Variants in HDAC9 observed in about 807,000 individuals in gnomAD.
HDAC9 encodes the protein MEF-2 interacting transcription repressor (MITR) protein.
Under a neutral mutation model 139.4 loss-of-function variants are expected in HDAC9, and 41 were observed. The ratio of observed to expected loss-of-function variants is 0.29; its 90% CI spans 0.23 to 0.38. HDAC9 has a LOEUF of 0.38. Ranked by LOEUF, HDAC9 falls within the 10% of genes least tolerant of loss-of-function variation. HDAC9 has a pLI of 1.00. For synonymous variants in HDAC9, 517 were observed against 476.2 expected (o/e 1.09, Z -1.12); for missense variants, 1,147 against 1,297.0 (o/e 0.88, Z 1.78).
At chr7:18,836,425 C>T (rs1034243561) in intron 21 of HDAC9, among the ~76,000 whole-genome samples, 1 of 152,156 alleles carries the variant, frequency 6.6e-6, no homozygotes, top group African/African-American at 2.4e-5. Context: ...ATTCCTAGTT[C>T]TGGGGAGCTC....
At chr7:18,089,739 G>A (rs749427696) in intron 1 of HDAC9, among the ~76,000 whole-genome samples, 2 of 152,054 alleles carry the variant, frequency 1.3e-5, no homozygotes, top group Non-Finnish European at 2.9e-5. Context: ...GAAGGTGCAG[G>A]TTATTCTTAA....
chr7:18,616,884 C>T (rs1838752844), intron 6 of HDAC9, among the ~76,000 whole-genome samples: 1 of 152,084 alleles, frequency 6.6e-6, no homozygotes. Context: ...GAGGTTACAC[C>T]TAAAGACTTA....
At chr7:18,465,886 T>C (rs1219164401) in intron 1 of HDAC9, among the ~76,000 whole-genome samples, 2 of 152,232 alleles carry the variant, frequency 1.3e-5, no homozygotes, top group African/African-American at 4.8e-5. Flanking sequence ...AGATGTTATA[T>C]TAATTTTCTG....
At chr7:18,985,220 C>G (rs1323926294) in intron 25 of HDAC9, among the ~76,000 whole-genome samples, 1 of 151,860 alleles carries the variant, frequency 6.6e-6, no homozygotes, top group South Asian at 2.1e-4. Flanking sequence ...CTATCCCTAC[C>G]CCCCCAACCC....
intron 13 of HDAC9, among the ~76,000 whole-genome samples, chr7:18,739,416 T>C (rs972426971): frequency 6.6e-6 from 1 of 152,238 alleles, no homozygotes; most frequent in Non-Finnish European, 1.5e-5. Flanking sequence ...CCTTTGGTCT[T>C]TGATGTTGGT....
rs181656078 is a variant in HDAC9, at chr7:18,923,906, A to G, written c.2804-11903A>G. 2.4e-4 allele frequency among the ~76,000 whole-genome samples: 36 copies of G among 152,230 alleles called. No individual in the cohort carries two copies. In the East Asian group the frequency reaches 5.6e-3, roughly 24 times the overall value. On this transcript the variant is annotated intron_variant, in intron 22 of 25. Transcript: ENST00000686413. ...TAGTTATATGGAAATCTTTCATGGA[A>G]ATTGGAGGCAGTCTTTATTTTCTTT...
Position 18,975,787 on chromosome 7 carries a change from T to C in HDAC9, c.3023-19T>C. On this transcript the variant is annotated intron_variant, in intron 24 of 25. Coordinates refer to ENST00000686413, the MANE Select transcript of HDAC9 (RefSeq NM_178425.4). ...CTGTAATTACAATTCTTATGAAGTA[T>C]GATGGATGTTTTTCCTAGGCAAGTA... The C allele has an allele frequency of 6.2e-7, 1 of 1,611,810 alleles. No individual in the cohort carries two copies. Among genetic ancestry groups the C allele is most frequent in the Non-Finnish European group, 8.5e-7 (1 of 1,178,144 alleles).
chr7:18,291,704 C>G (rs1281516941), intron 1 of HDAC9, among the ~76,000 whole-genome samples: 1 of 152,080 alleles, frequency 6.6e-6, no homozygotes, highest in Non-Finnish European at 1.5e-5. Flanking sequence ...TGCTTTTGCA[C>G]CCTGGGAAAA....
chr7:18,893,391 A>C (rs1186901287), intron 22 of HDAC9, among the ~76,000 whole-genome samples: 1 of 152,170 alleles, frequency 6.6e-6, no homozygotes, highest in Non-Finnish European at 1.5e-5. Flanking sequence ...ACCAGAAAGA[A>C]AAGAAAGTGA....
intron 1 of HDAC9, among the ~76,000 whole-genome samples, chr7:18,302,588 G>GA (rs1229213397): frequency 6.6e-6 from 1 of 152,110 alleles, no homozygotes; most frequent in Non-Finnish European, 1.5e-5. Flanking sequence ...AAACTAAAAG[G>GA]AAAAAATTTA....
intron 1 of HDAC9, among the ~76,000 whole-genome samples, chr7:18,405,419 C>A (rs966569254): frequency 1.1e-4 from 17 of 152,170 alleles, no homozygotes; most frequent in Admixed American, 7.2e-4. Flanking sequence ...CCATAATCAT[C>A]CCCCTATCTT....
chr7:18,980,299 T>C (rs1049518549), intron 25 of HDAC9, among the ~76,000 whole-genome samples: 1 of 152,204 alleles, frequency 6.6e-6, no homozygotes, highest in Non-Finnish European at 1.5e-5. Context: ...AGAAACAAAA[T>C]TGAATAGAAA....
At chr7:18,456,402 A>G (rs987786430) in intron 1 of HDAC9, among the ~76,000 whole-genome samples, 25 of 152,064 alleles carry the variant, frequency 1.6e-4, no homozygotes, top group African/African-American at 6.0e-4. Context: ...TGCCTGGCTA[A>G]TTTTTGTATT....
At chr7:18,843,109 C>G (rs549726968) in intron 21 of HDAC9, among the ~76,000 whole-genome samples, 1 of 152,036 alleles carries the variant, frequency 6.6e-6, no homozygotes, top group Non-Finnish European at 1.5e-5. Flanking sequence ...ATCTGTATAG[C>G]AATTAAACAA....
chr7:18,467,241 G>T (rs1026836185), intron 1 of HDAC9, among the ~76,000 whole-genome samples: 2 of 152,096 alleles, frequency 1.3e-5, no homozygotes, highest in African/African-American at 4.8e-5. Context: ...CAGTTATACA[G>T]ACCAGAAATG....
chr7:18,398,118 A>C (rs1048233969), intron 1 of HDAC9, among the ~76,000 whole-genome samples: 5 of 152,174 alleles, frequency 3.3e-5, no homozygotes, highest in Non-Finnish European at 7.4e-5. Context: ...CCATTTCTAA[A>C]CCCGAATCCT....
At chr7:18,547,915 C>T (rs1424628186) in intron 2 of HDAC9, among the ~76,000 whole-genome samples, 2 of 141,588 alleles carry the variant, frequency 1.4e-5, no homozygotes, top group Non-Finnish European at 3.1e-5. Flanking sequence ...CTTTCTCCCT[C>T]CCTCTCTCCC....
At chr7:18,724,744 A>C (rs1034279549) in intron 12 of HDAC9, among the ~76,000 whole-genome samples, 1 of 152,198 alleles carries the variant, frequency 6.6e-6, no homozygotes, top group Non-Finnish European at 1.5e-5. Flanking sequence ...GTTGTTATGG[A>C]ATGCATGGCT....
chr7:18,770,578 TA>T (rs756928477), intron 16 of HDAC9, among the ~76,000 whole-genome samples: 3 of 152,188 alleles, frequency 2.0e-5, no homozygotes, highest in African/African-American at 4.8e-5. Context: ...AGCAGGCTTT[TA>T]TGATAATGTC....
Sources: allele counts gnomAD v4.1 joint callset (sites outside exome capture counted in the v4.1 genomes callset), GRCh38; gene constraint gnomAD v4.1.1; transcripts MANE v1.5; gene names NCBI Gene and HGNC (gene_info 2026-07-23, HGNC 2026-07-21).